MYOM2: variants seen among roughly 807,000 people sequenced by gnomAD.
MYOM2 encodes myomesin 2.
A neutral mutation model predicts 187.6 loss-of-function variants in MYOM2; 254 were observed. The observed-to-expected ratio is 1.35, with a 90% CI of 1.22 to 1.50. MYOM2 has a LOEUF of 1.50. Ranked by LOEUF, MYOM2 falls within the 40% of genes most tolerant of loss-of-function variation. The pLI is 0.00. For synonymous variants in MYOM2, 981 were observed against 753.8 expected, an observed-to-expected ratio of 1.30 and a Z score of -4.94; for missense variants, 2,796 against 1,924.0, an observed-to-expected ratio of 1.45 and a Z score of -8.48.
At chr8:2,052,854 G>C (rs1278192004) in intron 3 of MYOM2, among the ~76,000 whole-genome samples, 1 of 152,226 alleles carries the variant, frequency 6.6e-6, no homozygotes, top group Non-Finnish European at 1.5e-5. Flanking sequence ...GGAAACTAAA[G>C]AGTTGGGAAG....
At chr8:2,106,100 T>G (rs901325801) in intron 21 of MYOM2, 142 bp from the exon 22 acceptor site, 5 of 796,260 alleles carry the variant, frequency 6.3e-6, no homozygotes, top group South Asian at 5.4e-5. Flanking sequence ...TCCAATCACC[T>G]CACTCCCTCT....
chr8:2,050,496 C>T (rs1478853456), intron 1 of MYOM2, among the ~76,000 whole-genome samples: 1 of 152,182 alleles, frequency 6.6e-6, no homozygotes, highest in East Asian at 1.9e-4. Flanking sequence ...TTGTTGAGTT[C>T]ACAATGAAAT....
intron 32 of MYOM2, among the ~76,000 whole-genome samples, chr8:2,129,888 A>ACTCG (rs142946537): frequency 0.028 from 4,227 of 152,130 alleles, 59 homozygotes; most frequent in Middle Eastern, 0.048. Flanking sequence ...CCAAAACAGG[A>ACTCG]CTCGCATCAG....
intron 6 of MYOM2, among the ~76,000 whole-genome samples, chr8:2,061,156 T>C (rs1428136592): frequency 6.6e-6 from 1 of 151,526 alleles, no homozygotes; most frequent in Non-Finnish European, 1.5e-5. Flanking sequence ...GGGAAGAGGG[T>C]TGAAAGGAGC....
Position 2,078,944 on chromosome 8 carries a change from C to T in MYOM2, c.1462+11C>T, listed in dbSNP as rs759851699. On this transcript the variant is annotated intron_variant, in intron 12 of 36. Transcript: ENST00000262113. ...TCAGAAGGTTACAAGGTAAGCTGCT[C>T]ACGCCTAAGTATCCACTGTGCCCAG... The T allele has an allele frequency of 6.2e-7, 1 of 1,612,754 alleles. No individual in the cohort carries two copies. Among genetic ancestry groups the T allele is most frequent in the Non-Finnish European group, 8.5e-7 (1 of 1,179,186 alleles).
At chr8:2,129,254 G>A (rs1467924045) in intron 32 of MYOM2, 22 bp downstream of exon 32, 2 of 1,549,584 alleles carry the variant, frequency 1.3e-6, no homozygotes, top group Non-Finnish European at 1.8e-6. Flanking sequence ...AGCAGCCGAT[G>A]GAGGCCATGC....
chr8:2,050,803 CAT>C lies in MYOM2; in HGVS notation c.39_40del (p.His13GlnfsTer9), dbSNP rs1818456884. ...GACTGTCCCCTTCTACCAGAAGAGA[CAT>C]AGGCACTTCGACCAGTCCTACCGTA... ...LVTVPFYQKRHRHFDQSYRNI... is the reference protein window; with the variant it reads ...LVTVPFYQKRXRHFDQSYRNI... On this transcript the variant is annotated frameshift_variant, in exon 2 of 37. Transcript: ENST00000262113. LOFTEE classifies it high-confidence loss of function. The C allele has an allele frequency of 1.9e-6, 3 of 1,613,536 alleles. No individual in the cohort carries two copies. The East Asian group carries it at 6.7e-5, about 36-fold the overall frequency.
chr8:2,085,342 G>A lies in MYOM2; in HGVS notation c.1596G>A (p.Glu532=), dbSNP rs996055079. The change falls in exon 14 of 37, where the codon GAG becomes GAA. Residue 532 remains glutamate, a synonymous_variant. Coordinates refer to ENST00000262113, the MANE Select transcript of MYOM2 (RefSeq NM_003970.4). ...GAAACTATGTCGTCCTCAGCTGGGAGCCACCCACTCCCCGTGGCAAGGACC... is the reference window on the plus strand; with the variant it reads ...GAAACTATGTCGTCCTCAGCTGGGAACCACCCACTCCCCGTGGCAAGGACC... The part of the protein sequence containing the change: ...ISRNYVVLSW[E]PPTPRGKDPL... 6.2e-7 allele frequency: 1 copy of A among 1,614,036 alleles called. No individual in the cohort carries two copies. The highest frequency in any genetic ancestry group is 8.5e-7 in the Non-Finnish European group (1 of 1,180,002).
At chr8:2,135,643 A>C (rs995575286) in intron 32 of MYOM2, among the ~76,000 whole-genome samples, 1 of 152,156 alleles carries the variant, frequency 6.6e-6, no homozygotes, top group Admixed American at 6.5e-5. Flanking sequence ...ATTAATGTGA[A>C]CCATTTTAAC....
Position 2,064,288 on chromosome 8 carries a change from C to T in MYOM2, c.654-4990C>T, listed in dbSNP as rs184271113. Among the ~76,000 whole-genome samples, 237 of 152,314 alleles carry T rather than the reference C, an allele frequency of 1.6e-3. 1 individual carries two copies. The highest frequency in any genetic ancestry group is 5.6e-3 in the African/African-American group (233 of 41,582). On this transcript the variant is annotated intron_variant, in intron 6 of 36. Coordinates refer to ENST00000262113, the MANE Select transcript of MYOM2 (RefSeq NM_003970.4). ...GTTTGTTTATAACCTACACAGGGAC[C>T]TGTGTTCCAACACACTTCATACAGT...
At position 2,116,276 on chromosome 8, in the gene MYOM2, G is replaced by T. The variant is rs750080520; in HGVS notation, c.3385+1G>T. 1 of 1,612,396 alleles carries T rather than the reference G, an allele frequency of 6.2e-7. No homozygotes were observed. The highest frequency in any genetic ancestry group is 1.1e-5 in the South Asian group (1 of 90,704). On this transcript the variant is annotated splice_donor_variant, in intron 27 of 36. Transcript: ENST00000262113. LOFTEE classifies it high-confidence loss of function. ...AGGAAAGAATTTCTCAGGAAACAAG[G>T]TGAGTTTCCTCACTCTGACCGGCTC...
At chr8:2,085,122 C>A (rs1197060072) in intron 13 of MYOM2, 141 bp from the exon 14 acceptor site, 1 of 969,848 alleles carries the variant, frequency 1.0e-6, no homozygotes, top group Non-Finnish European at 1.5e-6. Context: ...AAGGAAGCAT[C>A]TTTGGGGTTT....
chr8:2,069,435 G>C lies in MYOM2; in HGVS notation c.743-12G>C. 4.3e-6 allele frequency: 7 copies of C among 1,614,182 alleles called. No individual in the cohort carries two copies. Among genetic ancestry groups the C allele is most frequent in the Non-Finnish European group, 5.9e-6 (7 of 1,180,006 alleles). On this transcript the variant is annotated splice_polypyrimidine_tract_variant and intron_variant, in intron 7 of 36. Coordinates refer to ENST00000262113, the MANE Select transcript of MYOM2 (RefSeq NM_003970.4). ...TTCTCTTTTCTGCTGCACTCACTTTGCTGTCTTGCAGGGTTCCGGGGAGAC... is the reference window on the plus strand; with the variant it reads ...TTCTCTTTTCTGCTGCACTCACTTTCCTGTCTTGCAGGGTTCCGGGGAGAC...
Position 2,092,461 on chromosome 8 carries a change from C to T in MYOM2, c.1944C>T (p.Cys648=), listed in dbSNP as rs776172696. Residue 648 remains cysteine (C), a synonymous_variant, in exon 16 of 37, where the codon TGC becomes TGT. Transcript: ENST00000262113. ...ACCTGCTGGGCTACTACGTGGACTG[C>T]TGTGTGGCCGGAACCAACCTCTGGG... ...EEDLLGYYVD[C]CVAGTNLWEP... 6.2e-7 allele frequency: 1 copy of T among 1,614,160 alleles called. No homozygotes were observed. The highest frequency in any genetic ancestry group is 8.5e-7 in the Non-Finnish European group (1 of 1,180,016).
chr8:2,134,227 C>A (rs1797978224), intron 32 of MYOM2, among the ~76,000 whole-genome samples: 1 of 152,112 alleles, frequency 6.6e-6, no homozygotes, highest in South Asian at 2.1e-4. Context: ...TGGTTTCCCC[C>A]CTGTCTAGGA....
At chr8:2,138,411 CA>C (rs1798156961) in intron 32 of MYOM2, among the ~76,000 whole-genome samples, 1 of 152,176 alleles carries the variant, frequency 6.6e-6, no homozygotes, top group African/African-American at 2.4e-5. Flanking sequence ...GTGAGGCTCC[CA>C]GGTCAGCAAC....
In MYOM2 at chr8:2,076,143, G is replaced by A; in HGVS notation, c.1123G>A (p.Ala375Thr). 6.2e-7 allele frequency: 1 copy of A among 1,611,332 alleles called. No homozygotes were observed. The highest frequency in any genetic ancestry group is 8.5e-7 in the Non-Finnish European group (1 of 1,179,398). Residue 375 changes from alanine to threonine, a missense_variant and splice_region_variant, in exon 11 of 37, where the codon GCT becomes ACT. Ala to Thr is a moderately conservative substitution (Grantham distance 58). Transcript: ENST00000262113. ...GCCTTTTCTCTCCCTGCCCCAAGAT[G>A]CTGACCCGCTGGTCACAGGGGCCCC... is the stretch of plus-strand genomic sequence containing the variant. Reference protein sequence around the residue: ...DHSAFLFVRDADPLVTGAPGA... With the variant: ...DHSAFLFVRDTDPLVTGAPGA...
In MYOM2 at chr8:2,057,359, T is replaced by C; in HGVS notation, c.275T>C (p.Leu92Pro). The part of the protein sequence containing the change: ...EQENRSRYQS[L>P]VAAYGEAKRQ... Reference sequence around the variant, plus strand: ...CTCGGCTCCTGCAGGTACCAGTCCCTGGTGGCCGCCTATGGTGAGGCCAAG... The same window carrying C: ...CTCGGCTCCTGCAGGTACCAGTCCCCGGTGGCCGCCTATGGTGAGGCCAAG... The change falls in exon 4 of 37, where the codon CTG becomes CCG. Residue 92 changes from leucine to proline, a missense_variant. Transcript: ENST00000262113. 1 of 1,607,276 alleles carries C rather than the reference T, an allele frequency of 6.2e-7. No homozygotes were observed. The highest frequency in any genetic ancestry group is 8.5e-7 in the Non-Finnish European group (1 of 1,176,394).
At chr8:2,085,430 C>A in intron 14 of MYOM2, 40 bp downstream of exon 14, 1 of 1,563,592 alleles carries the variant, frequency 6.4e-7, no homozygotes, top group Non-Finnish European at 8.7e-7. Flanking sequence ...TAGATCTCTG[C>A]ATGGCCCCCC....
Sources: gnomAD v4.1 joint callset for allele counts (sites outside exome capture counted in the v4.1 genomes callset) on GRCh38, gnomAD v4.1.1 for gene constraint, MANE v1.5 for transcripts, NCBI Gene and HGNC (gene_info 2026-07-23, HGNC 2026-07-21) for gene names.